Variants in LFNG observed in about 807,000 individuals in gnomAD.
The protein encoded by LFNG is LFNG O-fucosylpeptide 3-beta-N-acetylglucosaminyltransferase.
LFNG carries 15 observed loss-of-function variants against 32.7 expected under a neutral mutation model. The observed-to-expected ratio is 0.46, with a 90% confidence interval of 0.31 to 0.71. The LOEUF is 0.71. Ranked by LOEUF, LFNG falls within the 30% of genes least tolerant of loss-of-function variation. The pLI, the probability that LFNG is intolerant of heterozygous loss-of-function variation, is 0.06. For missense variants in LFNG, 520 were observed against 545.7 expected (o/e 0.95, Z 0.47); for synonymous variants, 274 against 246.8 (o/e 1.11, Z -1.03).
exon 1 of LFNG, chr7:2,512,605 C>T (rs749543719): frequency 1.3e-6 from 2 of 1,586,098 alleles, no homozygotes; most frequent in South Asian, 2.2e-5. Context: ...CTCCTGGCCA[C>T]CCTCGCAGCT....
rs571692564 is a variant in LFNG at position 2,525,426 on chromosome 7, C to T, written c.594C>T (p.His198=). Residue 198 remains histidine (H), a synonymous_variant, in exon 4 of 8, where the codon CAC becomes CAT. Transcript: ENST00000222725. ...GCCTTGTCCTCAGGTGGTTCTGCCA[C>T]GTGGACGATGACAACTACGTCAACC... ...FIESGRKWFC[H]VDDDNYVNLR... 146 of 1,612,886 alleles carry T rather than the reference C, an allele frequency of 9.1e-5. 2 individuals are homozygous for T. The South Asian group carries it at 1.3e-3, about 14-fold the overall frequency.
intron 1 of LFNG, among the ~76,000 whole-genome samples, chr7:2,524,067 T>A (rs1328867732): frequency 6.6e-6 from 1 of 152,040 alleles, no homozygotes; most frequent in African/African-American, 2.4e-5. Flanking sequence ...CTCGGCCGAG[T>A]TAAGGCCGGC....
At chr7:2,513,057 C>T, upstream of LFNG, 1 of 1,167,268 alleles carries the variant, frequency 8.6e-7, no homozygotes, top group Non-Finnish European at 1.2e-6. Context: ...CTCCCAGCCC[C>T]AGCCCACAGT....
In LFNG at chr7:2,519,857, C is replaced by G; in HGVS notation, c.-5C>G. 9.1e-7 allele frequency: 1 copy of G among 1,092,960 alleles called. No individual in the cohort carries two copies. The highest frequency in any genetic ancestry group is 1.1e-6 in the Non-Finnish European group (1 of 899,040). 67.7% of individuals were successfully genotyped at this position (1,092,960 alleles called of 1,614,324 possible). ...AAGGGCGCGCCGCGCGGCCGCCACC[C>G]CACCATGCTCAAGCGCTGCGGCCGG... On this transcript the variant is annotated 5_prime_UTR_variant, in exon 1 of 8. Transcript: ENST00000222725.
Position 2,520,255 on chromosome 7 carries a change from C to A in LFNG, c.394C>A (p.Leu132Met). The A allele has an allele frequency of 6.2e-7, 1 of 1,610,210 alleles. No homozygotes were observed. The highest frequency in any genetic ancestry group is 8.5e-7 in the Non-Finnish European group (1 of 1,178,824). The change falls in exon 1 of 8, where the codon CTG becomes ATG. Residue 132 changes from leucine (L) to methionine (M), a missense_variant. Transcript: ENST00000222725. The surrounding 1 kb of genome is among the most constrained non-coding windows in gnomAD (Gnocchi z 5.0). ...AAAGTTCCACCGCGCGCGCCTCGAC[C>A]TGCTGCTGGAGACCTGGATCTCGCG... is the stretch of plus-strand genomic sequence containing the variant. ...TKKFHRARLD[L>M]LLETWISRHK...
chr7:2,521,879 G>A (rs1051359659), intron 1 of LFNG, among the ~76,000 whole-genome samples: 5 of 152,194 alleles, frequency 3.3e-5, no homozygotes, highest in African/African-American at 7.2e-5. Flanking sequence ...GGGTGAACCC[G>A]GCGGGCACTC....
chr7:2,525,376 C>G lies in LFNG; in HGVS notation c.582-38C>G, dbSNP rs770486288. On this transcript the variant is annotated intron_variant, in intron 3 of 7. Transcript: ENST00000222725. The stretch of plus-strand genomic sequence containing the variant: ...TGCCCGAGCCTGGCAGCGCCCGCCC[C>G]GGCATGCCCTCCCCCGATGGCCCTG... The G allele has an allele frequency of 1.9e-6, 3 of 1,612,428 alleles. 1 individual carries two copies. The highest frequency in any genetic ancestry group is 2.2e-5 in the South Asian group (2 of 91,018).
exon 1 of LFNG, chr7:2,512,691 T>A: frequency 1.9e-6 from 3 of 1,613,720 alleles, no homozygotes; most frequent in Non-Finnish European, 2.5e-6. Flanking sequence ...GCTGGACACG[T>A]ATTGTATGAG....
upstream of LFNG, among the ~76,000 whole-genome samples, chr7:2,514,612 ATCTG>A (rs1158116840): frequency 9.9e-5 from 15 of 150,760 alleles, no homozygotes; most frequent in Non-Finnish European, 1.8e-4. Context: ...CCATCCATTC[ATCTG>A]TCTATCCATC....
At position 2,526,327 on chromosome 7, in the gene LFNG, G is replaced by A; in HGVS notation, c.905G>A (p.Gly302Asp). 1 of 1,612,764 alleles carries A rather than the reference G, an allele frequency of 6.2e-7. No individual in the cohort carries two copies. The highest frequency in any genetic ancestry group is 1.1e-5 in the South Asian group (1 of 91,080). The change falls in exon 6 of 8, where the codon GGT (glycine) becomes GAT (aspartate). Residue 302 changes from glycine to aspartate, a missense_variant. Transcript: ENST00000222725. This position sits in a 1 kb window ranked among gnomAD's most constrained non-coding sequence, Gnocchi z 6.9. ...GGCTACATCGTGGAGGCCCTGCTGG[G>A]TGTGCCCCTCATCCGCAGCGGCCTC... is the stretch of plus-strand genomic sequence containing the variant. ...TIGYIVEALL[G>D]VPLIRSGLFH...
upstream of LFNG, chr7:2,519,769 G>A (rs1021524370): frequency 2.7e-6 from 2 of 734,918 alleles, no homozygotes; most frequent in African/African-American, 1.9e-5. Flanking sequence ...CACTGGTGCT[G>A]CGCTGCTGGA....
At chr7:2,514,881 T>C (rs904344864), upstream of LFNG, among the ~76,000 whole-genome samples, 1 of 151,972 alleles carries the variant, frequency 6.6e-6, no homozygotes, top group East Asian at 1.9e-4. Context: ...CATCCATTCA[T>C]CCATGCATCC....
In LFNG at chr7:2,526,481, CAGTGGGGTGG is replaced by C; in HGVS notation, c.987+73_987+82del. ...GGACGTGTGGCTGCCGAGAGGGGCG[CAGTGGGGTGG>C]GGCACTGTTCTAAACAGGGAGGCCA... On this transcript the variant is annotated intron_variant, in intron 6 of 7. Coordinates refer to ENST00000222725, the MANE Select transcript of LFNG (RefSeq NM_001040167.2). The surrounding 1 kb of genome is among the most constrained non-coding windows in gnomAD (Gnocchi z 6.9). The C allele has an allele frequency of 1.3e-6, 2 of 1,534,296 alleles. No homozygotes were observed. Among genetic ancestry groups the C allele is most frequent in the South Asian group, 2.2e-5 (2 of 89,116 alleles).
intron 1 of LFNG, among the ~76,000 whole-genome samples, chr7:2,522,737 A>T (rs1354811928): frequency 1.3e-5 from 2 of 152,048 alleles, no homozygotes; most frequent in East Asian, 3.9e-4. Context: ...TGGTGCCTGC[A>T]CCTCTCTGGG....
chr7:2,526,756 C>A lies in LFNG; in HGVS notation c.988-80C>A. On this transcript the variant is annotated intron_variant, in intron 6 of 7. Coordinates refer to ENST00000222725, the MANE Select transcript of LFNG (RefSeq NM_001040167.2). The surrounding 1 kb of genome is among the most constrained non-coding windows in gnomAD (Gnocchi z 6.9). ...AGGCCAGGGCAGGGCCGTTGCCTCA[C>A]TCAGGGCTGTGTGGCCAGCCTGGGG... The A allele has an allele frequency of 7.3e-7, 1 of 1,379,026 alleles. No homozygotes were observed. The highest frequency in any genetic ancestry group is 1.0e-6 in the Non-Finnish European group (1 of 972,200). 85.4% of individuals were successfully genotyped at this position (1,379,026 alleles called of 1,614,324 possible).
At chr7:2,521,036 TG>T (rs895245125) in intron 1 of LFNG, among the ~76,000 whole-genome samples, 1 of 151,804 alleles carries the variant, frequency 6.6e-6, no homozygotes, top group Non-Finnish European at 1.5e-5. Flanking sequence ...AGTCGGGGAC[TG>T]GGGGGGTGTC....
upstream of LFNG, chr7:2,513,107 G>C: frequency 6.3e-7 from 1 of 1,598,562 alleles, no homozygotes; most frequent in Non-Finnish European, 8.6e-7. Flanking sequence ...CTTTGGGCTG[G>C]ACCCATTTTT....
rs756095035 is a variant in LFNG at position 2,526,383 on chromosome 7, G to T, written c.961G>T (p.Val321Leu). 7 of 1,610,308 alleles carry T rather than the reference G, an allele frequency of 4.3e-6. No homozygotes were observed. Among genetic ancestry groups the T allele is most frequent in the Non-Finnish European group, 5.9e-6 (7 of 1,179,954 alleles). The change falls in exon 6 of 8, where the codon GTG becomes TTG. Residue 321 changes from valine to leucine, a missense_variant. By Grantham distance (32) the Val-to-Leu change is conservative (BLOSUM62 1). This residue lies in a region of LFNG where 150 missense variants were observed against 159.9 expected (regional missense o/e 0.94). Coordinates refer to ENST00000222725, the MANE Select transcript of LFNG (RefSeq NM_001040167.2). The surrounding 1 kb of genome is among the most constrained non-coding windows in gnomAD (Gnocchi z 6.9). ...FHSHLENLQQ[V>L]PTSELHEQVT... ...CTCCCACCTGGAGAACCTGCAGCAG[G>T]TGCCCACCTCGGAGCTCCACGAGCA...
chr7:2,528,061 T>G lies in LFNG; in HGVS notation c.*849T>G. 1.0e-5 allele frequency: 6 copies of G among 574,170 alleles called. No homozygotes were observed. The highest frequency in any genetic ancestry group is 1.3e-5 in the Non-Finnish European group (6 of 469,858). 35.6% of individuals were successfully genotyped at this position (574,170 alleles called of 1,614,324 possible). ...GGTAAAAAGTAGGGTGTTCTTGTTT[T>G]TTGCTTGGGAGGGTGGGGGTGGGGG... On this transcript the variant is annotated 3_prime_UTR_variant, in exon 8 of 8. Transcript: ENST00000222725.
Sources: allele counts gnomAD v4.1 joint callset (sites outside exome capture counted in the v4.1 genomes callset), GRCh38; gene constraint gnomAD v4.1.1; regional missense constraint gnomAD v4.1.1; non-coding constraint Gnocchi (gnomAD v3.1); transcripts MANE v1.5; gene names NCBI Gene and HGNC (gene_info 2026-07-23, HGNC 2026-07-21).